Variants in ERGIC1 observed in about 807,000 individuals in gnomAD.
ERGIC1 encodes the protein endoplasmic reticulum-Golgi intermediate compartment protein 1.
Under a neutral mutation model 38.3 loss-of-function variants are expected in ERGIC1, and 19 were observed. The observed-to-expected ratio is 0.50, with a 90% CI of 0.35 to 0.73. ERGIC1 has a LOEUF of 0.73. ERGIC1 is among the 30% of genes least tolerant of loss of function. The pLI, the probability that ERGIC1 is intolerant of heterozygous loss-of-function variation, is 0.01. For missense variants in ERGIC1, 294 were observed against 389.2 expected, an observed-to-expected ratio of 0.76 and a Z score of 2.06; for synonymous variants, 124 against 157.6, an observed-to-expected ratio of 0.79 and a Z score of 1.60.
intron 3 of ERGIC1, chr5:172,906,088 C>T (rs753274232): frequency 4.4e-6 from 2 of 456,252 alleles, no homozygotes; most frequent in East Asian, 7.0e-5. Context: ...TCTGTCATAA[C>T]CTCCTGGGCT....
rs1289542913 is a variant in ERGIC1 at position 172,834,591 on chromosome 5, G to A, written c.20+158G>A. 3.8e-5 allele frequency among the ~76,000 whole-genome samples: 1 copy of A among 26,062 alleles called. No individual in the cohort carries two copies. The highest frequency in any genetic ancestry group is 9.3e-5 in the Non-Finnish European group (1 of 10,750). 17.1% of individuals were successfully genotyped at this position (26,062 alleles called of 152,430 possible). A position where few individuals can be genotyped will look rare whatever the true frequency, so the allele number is the denominator to read the frequency against. On this transcript the variant is annotated intron_variant, in intron 1 of 9. Transcript: ENST00000393784. The surrounding 1 kb of genome is among the most constrained non-coding windows in gnomAD (Gnocchi z 4.1). ...GGGACCCCAGGCGAGCCCCCCCCCT[G>A]CCGCACACGAAGCCAGCCAGAGCCG...
chr5:172,867,088 T>C (rs1022968328), intron 1 of ERGIC1: 3 of 440,776 alleles, frequency 6.8e-6, no homozygotes, highest in African/African-American at 6.0e-5. Context: ...GCAGAGTCTT[T>C]GCAGACCTTG....
chr5:172,942,278 G>A (rs541391946), intron 9 of ERGIC1, among the ~76,000 whole-genome samples: 176 of 152,334 alleles, frequency 1.2e-3, no homozygotes, highest in African/African-American at 4.0e-3. Context: ...CTAAGATGAT[G>A]TGAGTTGGAA....
intron 1 of ERGIC1, among the ~76,000 whole-genome samples, chr5:172,873,860 C>T (rs1258086027): frequency 2.0e-5 from 3 of 152,256 alleles, no homozygotes; most frequent in Non-Finnish European, 4.4e-5. Flanking sequence ...TGCCAGTCCC[C>T]TTTCCCGTCC....
chr5:172,897,825 C>G (rs1243383712), intron 3 of ERGIC1: 2 of 414,026 alleles, frequency 4.8e-6, no homozygotes, highest in Non-Finnish European at 8.8e-6. Flanking sequence ...AACCCCCTTC[C>G]CATTTCTCAG....
chr5:172,926,403 G>A lies in ERGIC1; in HGVS notation c.481-106G>A. ...CCGCTGGAGCCCCCTTTTACACATT[G>A]GTAGGGTTCCTAGACCAGGTGGTAC... is the stretch of plus-strand genomic sequence containing the variant. On this transcript the variant is annotated intron_variant, in intron 6 of 9. Transcript: ENST00000393784. The surrounding 1 kb of genome is among the most constrained non-coding windows in gnomAD (Gnocchi z 5.2). The A allele has an allele frequency of 8.0e-7, 1 of 1,244,690 alleles. No individual in the cohort carries two copies. Among genetic ancestry groups the A allele is most frequent in the Non-Finnish European group, 1.2e-6 (1 of 854,928 alleles). 77.1% of individuals were successfully genotyped at this position (1,244,690 alleles called of 1,614,324 possible).
intron 3 of ERGIC1, among the ~76,000 whole-genome samples, chr5:172,900,790 G>A (rs144726554): frequency 1.3e-3 from 192 of 152,260 alleles, no homozygotes; most frequent in Non-Finnish European, 2.0e-3. Context: ...GTCAGCGGCT[G>A]GAGAGAGGGA....
chr5:172,935,342 G>C (rs754089123), intron 9 of ERGIC1, 32 bp downstream of exon 9: 1 of 1,613,360 alleles, frequency 6.2e-7, no homozygotes, highest in Non-Finnish European at 8.5e-7. Flanking sequence ...GTGGGGCCCT[G>C]AGCCAGCCAC....
intron 1 of ERGIC1, among the ~76,000 whole-genome samples, chr5:172,857,545 T>C (rs897038031): frequency 1.3e-5 from 2 of 151,924 alleles, no homozygotes; most frequent in Non-Finnish European, 2.9e-5. Flanking sequence ...TTCACCGCCC[T>C]GGGACTCAGT....
At chr5:172,935,357 C>T (rs764827910) in intron 9 of ERGIC1, 47 bp downstream of exon 9, 22 of 1,611,606 alleles carry the variant, frequency 1.4e-5, no homozygotes, top group Admixed American at 1.7e-5. Context: ...AGCCACCCTG[C>T]GCCTGCTCTG....
At chr5:172,839,925 T>A (rs1418777099) in intron 1 of ERGIC1, among the ~76,000 whole-genome samples, 1 of 152,222 alleles carries the variant, frequency 6.6e-6, no homozygotes, top group Non-Finnish European at 1.5e-5. Flanking sequence ...GGCTCATCTC[T>A]AAAGCTTTCT....
At chr5:172,906,552 T>C (rs902774612) in intron 3 of ERGIC1, among the ~76,000 whole-genome samples, 3 of 152,138 alleles carry the variant, frequency 2.0e-5, no homozygotes, top group Non-Finnish European at 2.9e-5. Flanking sequence ...CCACCGTTCC[T>C]TGTGAACAGC....
chr5:172,911,445 A>G (rs1311359030), intron 4 of ERGIC1, among the ~76,000 whole-genome samples: 2 of 152,180 alleles, frequency 1.3e-5, no homozygotes, highest in African/African-American at 4.8e-5. Context: ...AGGAGGGGCC[A>G]GGCAACCTCC....
intron 1 of ERGIC1, among the ~76,000 whole-genome samples, chr5:172,849,070 T>G (rs887250708): frequency 5.3e-5 from 8 of 152,126 alleles, no homozygotes; most frequent in African/African-American, 1.4e-4. Context: ...GCCTGGGCAT[T>G]AGGATTCATT....
At chr5:172,946,826 A>G (rs993537787) in intron 9 of ERGIC1, among the ~76,000 whole-genome samples, 4 of 151,826 alleles carry the variant, frequency 2.6e-5, no homozygotes, top group African/African-American at 9.7e-5. Flanking sequence ...AGATAAAATA[A>G]TGAAAGCAGG....
At chr5:172,897,913 A>G (rs1303351601) in intron 3 of ERGIC1, 1 of 413,562 alleles carries the variant, frequency 2.4e-6, no homozygotes. Flanking sequence ...GATTCCTAGA[A>G]TTATCTGTTG....
chr5:172,932,139 G>A (rs777395351), intron 7 of ERGIC1, among the ~76,000 whole-genome samples: 14 of 151,914 alleles, frequency 9.2e-5, no homozygotes, highest in East Asian at 1.9e-4. Flanking sequence ...GATTACAGGC[G>A]TGAGCCACCA....
chr5:172,909,881 T>C (rs1328543693), intron 4 of ERGIC1, 120 bp downstream of exon 4: 7 of 877,782 alleles, frequency 8.0e-6, no homozygotes, highest in Non-Finnish European at 1.1e-5. Context: ...CCCCACTCTT[T>C]TTTGGAGGAG....
At chr5:172,878,845 G>A (rs1399115037) in intron 1 of ERGIC1, among the ~76,000 whole-genome samples, 1 of 152,164 alleles carries the variant, frequency 6.6e-6, no homozygotes, top group African/African-American at 2.4e-5. Flanking sequence ...CCCCGGGCCA[G>A]TGGTTCTCAG....
Sources: gnomAD v4.1 joint callset for allele counts (sites outside exome capture counted in the v4.1 genomes callset) on GRCh38, gnomAD v4.1.1 for gene constraint, Gnocchi (gnomAD v3.1) non-coding constraint, MANE v1.5 for transcripts, NCBI Gene and HGNC (gene_info 2026-07-23, HGNC 2026-07-21) for gene names.